The following ARHGEF17 variants were observed in gnomAD, a reference collection of about 807,000 sequenced individuals.
ARHGEF17 encodes the protein 164 kDa Rho-specific guanine-nucleotide exchange factor.
A neutral mutation model predicts 174.0 loss-of-function variants in ARHGEF17; 80 were observed. That is an observed-to-expected ratio of 0.46 (90% CI 0.38 to 0.55). The LOEUF is 0.55. Among genes scored for constraint, ARHGEF17 ranks in the 20% least tolerant of loss-of-function variants. The probability of loss-of-function intolerance (pLI) is 0.00; values close to 1 mark genes in which losing one functional copy is unlikely to be tolerated. For synonymous variants in ARHGEF17, 1,311 were observed against 1,189.1 expected, an observed-to-expected ratio of 1.10 and a Z score of -2.11; for missense variants, 2,886 against 2,839.7, an observed-to-expected ratio of 1.02 and a Z score of -0.37.
At chr11:73,361,711 A>G (rs1166717539) in intron 12 of ARHGEF17, among the ~76,000 whole-genome samples, 1 of 151,866 alleles carries the variant, frequency 6.6e-6, no homozygotes, top group Non-Finnish European at 1.5e-5. Context: ...AAAATTATCC[A>G]CGTTTAGTGG....
chr11:73,320,702 C>CAGGCT lies in ARHGEF17; in HGVS notation c.3192+8876_3192+8880dup, dbSNP rs1157825700. ...TGAGGCAGGGTCTCACTCTCTCAACCAGGCTAGGGTGCAGTGGGTCAATCA... is the reference window on the plus strand; with the variant it reads ...TGAGGCAGGGTCTCACTCTCTCAACCAGGCTAGGCTAGGGTGCAGTGGGTCAATCA... On this transcript the variant is annotated intron_variant, in intron 1 of 20. Transcript: ENST00000263674. 2.0e-5 allele frequency among the ~76,000 whole-genome samples: 3 copies of CAGGCT among 150,136 alleles called. No homozygotes were observed. In the East Asian group the frequency reaches 5.9e-4, roughly 29 times the overall value.
Position 73,354,715 on chromosome 11 carries a change from C to CA in ARHGEF17, c.3454-802dup, listed in dbSNP as rs369363433. Among the ~76,000 whole-genome samples, 613 of 91,400 alleles carry CA rather than the reference C, an allele frequency of 6.7e-3. 11 individuals are homozygous for CA. The East Asian group carries it at 0.11, about 17-fold the overall frequency. The allele number at this position is 91,400 out of a possible 152,430, so 60.0% of individuals were successfully genotyped here. On this transcript the variant is annotated intron_variant, in intron 3 of 20. Transcript: ENST00000263674. ...TAGGTGACAGAGTGAGACTCCGTCT[C>CA]AAAAAAAAAAAAAAAAGACAGGACT... is the stretch of plus-strand genomic sequence containing the variant.
chr11:73,314,126 C>T (rs1017030399), intron 1 of ARHGEF17, among the ~76,000 whole-genome samples: 4 of 152,232 alleles, frequency 2.6e-5, no homozygotes, highest in African/African-American at 9.6e-5. Flanking sequence ...CCTTCTGGCT[C>T]CCAGAATATG....
intron 1 of ARHGEF17, among the ~76,000 whole-genome samples, chr11:73,320,915 G>A (rs1865007793): frequency 1.3e-5 from 2 of 152,128 alleles, no homozygotes; most frequent in African/African-American, 4.8e-5. Context: ...TCCCGCCTTG[G>A]CCTCCCAAAG....
At chr11:73,356,988 T>C in intron 7 of ARHGEF17, 37 bp from the exon 8 acceptor site, 1 of 1,606,170 alleles carries the variant, frequency 6.2e-7, no homozygotes, top group Non-Finnish European at 8.5e-7. Context: ...TTCTGGACTG[T>C]GTCCACCCAG....
At chr11:73,323,533 G>A (rs529888629) in intron 1 of ARHGEF17, among the ~76,000 whole-genome samples, 201 of 152,308 alleles carry the variant, frequency 1.3e-3, no homozygotes, top group African/African-American at 4.3e-3. Context: ...GAGGAGAGCC[G>A]CGCTTTAGGG....
chr11:73,361,615 A>G (rs940589985), intron 12 of ARHGEF17, among the ~76,000 whole-genome samples: 8 of 152,300 alleles, frequency 5.3e-5, no homozygotes, highest in African/African-American at 1.7e-4. Context: ...TAATTCCAGT[A>G]CTTTGTGGGG....
chr11:73,366,016 C>A lies in ARHGEF17; in HGVS notation c.5995+69C>A, dbSNP rs1224498823. 5 of 1,537,202 alleles carry A rather than the reference C, an allele frequency of 3.3e-6. No homozygotes were observed. In the Admixed American group the frequency reaches 8.9e-5, roughly 27 times the overall value. ...TGGTTTAGGACTCCCCACTATCCTG[C>A]CAGAAGAGCTTTCAAGAGGGAGGAA... is the stretch of plus-strand genomic sequence containing the variant. On this transcript the variant is annotated intron_variant, in intron 20 of 20. Transcript: ENST00000263674.
At chr11:73,349,343 G>A (rs370543241) in intron 2 of ARHGEF17, among the ~76,000 whole-genome samples, 97 of 152,170 alleles carry the variant, frequency 6.4e-4, no homozygotes, top group Non-Finnish European at 1.1e-3. Context: ...AGCCAGGCGC[G>A]GAGGCTCACA....
chr11:73,360,966 A>G (rs1865728309), intron 11 of ARHGEF17, 122 bp from the exon 12 acceptor site: 4 of 745,366 alleles, frequency 5.4e-6, no homozygotes, highest in Non-Finnish European at 8.9e-6. Context: ...GGCTGGGATC[A>G]GGCCTTCCCC....
chr11:73,357,443 C>T, intron 9 of ARHGEF17, 116 bp downstream of exon 9: 1 of 941,438 alleles, frequency 1.1e-6, no homozygotes, highest in Non-Finnish European at 1.6e-6. Flanking sequence ...ACTTTTGGGC[C>T]TCGCTCTCTC....
In ARHGEF17 at chr11:73,365,803, G is replaced by A. The variant is rs767238017; in HGVS notation, c.5851G>A (p.Gly1951Ser). 5.5e-5 allele frequency: 88 copies of A among 1,613,550 alleles called. 1 individual carries two copies. The highest frequency in any genetic ancestry group is 2.2e-4 in the South Asian group (20 of 91,076). ...GVVLTMPTSPGTVSCPRAPLS... is the reference protein window; with the variant it reads ...GVVLTMPTSPSTVSCPRAPLS... The stretch of plus-strand genomic sequence containing the variant: ...CGTCCTCACCATGCCCACTTCGCCC[G>A]GTACTGTCAGCTGCCCACGGGCACC... The change falls in exon 20 of 21, where the codon GGT becomes AGT. Residue 1951 changes from glycine to serine, a missense_variant. This residue lies in a region of ARHGEF17 where 329 missense variants were observed against 435.2 expected (regional missense o/e 0.76). Coordinates refer to ENST00000263674, the MANE Select transcript of ARHGEF17 (RefSeq NM_014786.4). This position sits in a 1 kb window ranked among gnomAD's most constrained non-coding sequence, Gnocchi z 4.9.
intron 1 of ARHGEF17, among the ~76,000 whole-genome samples, chr11:73,332,028 C>T (rs1300598180): frequency 3.3e-5 from 5 of 152,276 alleles, no homozygotes; most frequent in South Asian, 2.1e-4. Flanking sequence ...GATATGCCAG[C>T]GAGGGCTGCC....
chr11:73,314,977 T>A (rs1280374067), intron 1 of ARHGEF17, among the ~76,000 whole-genome samples: 1 of 152,268 alleles, frequency 6.6e-6, no homozygotes, highest in East Asian at 1.9e-4. Flanking sequence ...AATTTTAACA[T>A]ACTGAAATAG....
intron 1 of ARHGEF17, among the ~76,000 whole-genome samples, chr11:73,314,476 GTC>G (rs1864896026): frequency 6.6e-6 from 1 of 152,210 alleles, no homozygotes; most frequent in Non-Finnish European, 1.5e-5. Flanking sequence ...AGTCATCTTT[GTC>G]TCTCAGTTTT....
intron 6 of ARHGEF17, 143 bp from the exon 7 acceptor site, chr11:73,356,566 C>T: frequency 1.6e-6 from 2 of 1,232,504 alleles, no homozygotes; most frequent in African/African-American, 1.5e-5. Context: ...TGTGGCCTGG[C>T]AGCACAAGGG....
rs574743023 is a variant in ARHGEF17 at position 73,356,580 on chromosome 11, T to A, written c.3841-129T>A. On this transcript the variant is annotated intron_variant, in intron 6 of 20. Transcript: ENST00000263674. Reference sequence around the variant, plus strand: ...CTGTGGCCTGGCAGCACAAGGGCATTGAGGGTGGGAAGCATGCTGCTTCCA... The same window carrying A: ...CTGTGGCCTGGCAGCACAAGGGCATAGAGGGTGGGAAGCATGCTGCTTCCA... 1,676 of 1,305,532 alleles carry A rather than the reference T, an allele frequency of 1.3e-3. 1 individual carries two copies. Among genetic ancestry groups the A allele is most frequent in the Non-Finnish European group, 1.3e-3 (1,210 of 934,786 alleles). 80.9% of individuals were successfully genotyped at this position (1,305,532 alleles called of 1,614,324 possible). A position where few individuals can be genotyped will look rare whatever the true frequency, so the allele number is the denominator to read the frequency against.
At position 73,357,169 on chromosome 11, in the gene ARHGEF17, CAG is replaced by C. The variant is rs113609129; in HGVS notation, c.4001+36_4001+37del. 2.5e-3 allele frequency: 3,971 copies of C among 1,612,796 alleles called. 91 individuals carry two copies. The African/African-American group carries it at 0.045, about 18-fold the overall frequency. On this transcript the variant is annotated intron_variant, in intron 8 of 20. Coordinates refer to ENST00000263674, the MANE Select transcript of ARHGEF17 (RefSeq NM_014786.4). ...TGGGCCGGGGTTTGGGTGGTGCCAA[CAG>C]GGGGAGCATTTGTCCCTCTCTGAGC... is the stretch of plus-strand genomic sequence containing the variant.
At position 73,346,941 on chromosome 11, in the gene ARHGEF17, C is replaced by G. The variant is rs1016373365; in HGVS notation, c.3251C>G (p.Ser1084Trp). 1 of 1,574,644 alleles carries G rather than the reference C, an allele frequency of 6.4e-7. No individual in the cohort carries two copies. Among genetic ancestry groups the G allele is most frequent in the Admixed American group, 1.7e-5 (1 of 57,280 alleles). ...LLDTEQSYVE[S>W]LRTLMQGYMQ... Reference sequence around the variant, plus strand: ...GACACAGAGCAGTCGTATGTGGAGTCGCTGCGCACCCTGATGCAGGTGGGG... The same window carrying G: ...GACACAGAGCAGTCGTATGTGGAGTGGCTGCGCACCCTGATGCAGGTGGGG... Residue 1084 changes from serine (S) to tryptophan (W), a missense_variant, in exon 2 of 21, where the codon TCG becomes TGG. By Grantham distance (177) the Ser-to-Trp change is radical (BLOSUM62 -3). Coordinates refer to ENST00000263674, the MANE Select transcript of ARHGEF17 (RefSeq NM_014786.4).
Sources: allele counts gnomAD v4.1 joint callset (sites outside exome capture counted in the v4.1 genomes callset), GRCh38; gene constraint gnomAD v4.1.1; regional missense constraint gnomAD v4.1.1; non-coding constraint Gnocchi (gnomAD v3.1); transcripts MANE v1.5; gene names NCBI Gene and HGNC (gene_info 2026-07-23, HGNC 2026-07-21).